The following RBM39 variants were observed in gnomAD, a reference collection of about 807,000 sequenced individuals.
RBM39 encodes the protein RNA binding motif protein 39, also known as RNA-binding protein 39.
RBM39 carries 12 observed loss-of-function variants against 79.6 expected under a neutral mutation model. The observed-to-expected ratio is 0.15, with a 90% confidence interval of 0.10 to 0.24. The LOEUF (loss-of-function observed/expected upper bound fraction) is 0.24. RBM39 is among the 10% of genes least tolerant of loss of function. The pLI is 1.00. For missense variants in RBM39, 243 were observed against 653.4 expected (o/e 0.37, Z 6.85); for synonymous variants, 185 against 208.4 (o/e 0.89, Z 0.97).
intron 9 of RBM39, among the ~76,000 whole-genome samples, chr20:35,720,231 A>G (rs1446333852): frequency 6.6e-6 from 1 of 152,190 alleles, no homozygotes; most frequent in East Asian, 1.9e-4. Context: ...CTCAACACAG[A>G]ACTAGTTGGA....
intron 15 of RBM39, 33 bp from the exon 16 acceptor site, chr20:35,704,779 T>C (rs1259355920): frequency 1.3e-6 from 2 of 1,591,932 alleles, no homozygotes; most frequent in East Asian, 4.5e-5. Flanking sequence ...GGTAAAGATG[T>C]TGCTGTATGC....
Position 35,703,625 on chromosome 20 carries a change from CTT to C in RBM39, c.*854_*855del, listed in dbSNP as rs2035404730. ...GATCTCCTGTGGCCTTTTTAAGAGA[CTT>C]TTATTTGAGTGGTTCTTACAAAGAT... On this transcript the variant is annotated 3_prime_UTR_variant, in exon 17 of 17. Transcript: ENST00000253363. The C allele has an allele frequency of 6.6e-6, 1 of 152,548 alleles. No individual in the cohort carries two copies. The highest frequency in any genetic ancestry group is 1.5e-5 in the Non-Finnish European group (1 of 68,030). The allele number at this position is 152,548 out of a possible 1,614,324, so 9.4% of individuals were successfully genotyped here.
At chr20:35,740,477 A>T (rs1380470303) in intron 2 of RBM39, 1 of 1,167,668 alleles carries the variant, frequency 8.6e-7, no homozygotes, top group African/African-American at 1.6e-5. Context: ...TAGTTGAGTC[A>T]TTTTACCTAG....
intron 3 of RBM39, 57 bp from the exon 4 acceptor site, chr20:35,732,192 C>T (rs768780402): frequency 2.0e-6 from 3 of 1,470,948 alleles, no homozygotes; most frequent in South Asian, 2.3e-5. Flanking sequence ...CCAAAATATA[C>T]TACCTTTTAT....
At chr20:35,734,686 G>A (rs2039723049) in intron 3 of RBM39, 1 of 583,410 alleles carries the variant, frequency 1.7e-6, no homozygotes, top group Non-Finnish European at 2.6e-6. Context: ...TTGTAAACAA[G>A]TCCTCACCCA....
At chr20:35,738,159 G>GA (rs373178542) in intron 3 of RBM39, among the ~76,000 whole-genome samples, 31,814 of 138,562 alleles carry the variant, frequency 0.23, 3,837 homozygotes, top group African/African-American at 0.37. Context: ...CCATGTCAAA[G>GA]AAAAAAAAAA....
intron 6 of RBM39, 29 bp downstream of exon 6, chr20:35,729,283 G>C (rs757007110): frequency 1.3e-6 from 2 of 1,546,016 alleles, no homozygotes; most frequent in South Asian, 2.5e-5. Flanking sequence ...AGCTTTTTAA[G>C]AGCTAAAGGC....
At chr20:35,741,030 C>CTATTTTTTTTTTTTTTTTT (rs2040447137) in intron 1 of RBM39, 143 bp from the exon 2 acceptor site, 2 of 118,628 alleles carry the variant, frequency 1.7e-5, no homozygotes, top group African/African-American at 5.2e-5. Context: ...AAACATTTTT[C>CTATTTTTTTTTTTTTTTTT]TTTTTTTTTT....
chr20:35,720,797 A>G (rs933232918), intron 9 of RBM39, among the ~76,000 whole-genome samples: 1 of 152,128 alleles, frequency 6.6e-6, no homozygotes, highest in Non-Finnish European at 1.5e-5. Context: ...AAAGTACCAG[A>G]GTGGATCAGA....
intron 3 of RBM39, 129 bp from the exon 4 acceptor site, chr20:35,732,264 G>A (rs2039451181): frequency 1.3e-6 from 1 of 799,756 alleles, no homozygotes. Flanking sequence ...ATGATACAAT[G>A]GTACATAATC....
At position 35,714,398 on chromosome 20, in the gene RBM39, T is replaced by C. The variant is rs758841301; in HGVS notation, c.892-9A>G. On this transcript the variant is annotated splice_polypyrimidine_tract_variant and intron_variant, in intron 10 of 16. Coordinates refer to ENST00000253363, the MANE Select transcript of RBM39 (RefSeq NM_184234.3). Reference sequence around the variant, plus strand: ...CATTCTGAGTCAGAAAACTACATGATAGGGGAGGCAAGGACAGGAGACAGT... The same window carrying C: ...CATTCTGAGTCAGAAAACTACATGACAGGGGAGGCAAGGACAGGAGACAGT... 2.2e-5 allele frequency: 35 copies of C among 1,613,158 alleles called. No homozygotes were observed. Among genetic ancestry groups the C allele is most frequent in the Non-Finnish European group, 2.2e-5 (26 of 1,179,408 alleles).
chr20:35,730,273 A>G (rs1029708188), intron 4 of RBM39, among the ~76,000 whole-genome samples: 3 of 152,202 alleles, frequency 2.0e-5, no homozygotes, highest in Admixed American at 1.3e-4. Flanking sequence ...AGTTTTTGTG[A>G]CTTTTTAAAG....
At chr20:35,705,024 C>T in intron 15 of RBM39, 1 of 580,152 alleles carries the variant, frequency 1.7e-6, no homozygotes, top group South Asian at 2.3e-5. Context: ...ACTAGAAATC[C>T]TCTCATACCC....
chr20:35,739,697 A>T, intron 2 of RBM39: 1 of 345,150 alleles, frequency 2.9e-6, no homozygotes. Flanking sequence ...AAAAACTAAG[A>T]CACAAGAATC....
At chr20:35,718,287 A>C (rs564373910) in intron 9 of RBM39, among the ~76,000 whole-genome samples, 96 of 152,104 alleles carry the variant, frequency 6.3e-4, no homozygotes, top group Middle Eastern at 6.8e-3. Flanking sequence ...CAAAACAAAA[A>C]AAAAACGGGT....
chr20:35,732,153 C>A lies in RBM39; in HGVS notation c.102-18G>T, dbSNP rs1394387959. The A allele has an allele frequency of 1.9e-6, 3 of 1,612,702 alleles. No homozygotes were observed. In the African/African-American group the frequency reaches 4.0e-5, roughly 22 times the overall value. The stretch of plus-strand genomic sequence containing the variant: ...TTTTCCTCCTGAGAAGAAAAAAACT[C>A]GCCATTATCATGCTGGCTTAAGAAC... On this transcript the variant is annotated intron_variant, in intron 3 of 16. Coordinates refer to ENST00000253363, the MANE Select transcript of RBM39 (RefSeq NM_184234.3).
chr20:35,736,533 A>T (rs1436080798), intron 3 of RBM39: 1 of 470,154 alleles, frequency 2.1e-6, no homozygotes, highest in Non-Finnish European at 4.4e-6. Flanking sequence ...TGTAGTGAGA[A>T]AGACTGACAT....
intron 13 of RBM39, chr20:35,707,532 T>C (rs940707521): frequency 1.5e-4 from 29 of 194,442 alleles, no homozygotes; most frequent in Middle Eastern, 4.5e-3. Flanking sequence ...TAAAATAGAT[T>C]TGAGTTTATA....
chr20:35,714,426 T>C, intron 10 of RBM39, 37 bp from the exon 11 acceptor site: 1 of 1,561,244 alleles, frequency 6.4e-7, no homozygotes, highest in Non-Finnish European at 8.7e-7. Flanking sequence ...GAGACAGTGC[T>C]TTAATTTTTA....
Sources: gnomAD v4.1 joint callset for allele counts (sites outside exome capture counted in the v4.1 genomes callset) on GRCh38, gnomAD v4.1.1 for gene constraint, MANE v1.5 for transcripts, NCBI Gene and HGNC (gene_info 2026-07-23, HGNC 2026-07-21) for gene names.